The following FYB1 variants were observed in gnomAD, a reference collection of about 807,000 sequenced individuals.
FYB1 encodes the protein FYN-binding protein 1.
FYB1 carries 41 observed loss-of-function variants against 94.1 expected under a neutral mutation model. The ratio of observed to expected loss-of-function variants is 0.44; its 90% CI spans 0.34 to 0.57. The LOEUF is 0.57. Ranked by LOEUF, FYB1 falls within the 20% of genes least tolerant of loss-of-function variation. The probability of loss-of-function intolerance (pLI) is 0.02; values close to 1 mark genes in which losing one functional copy is unlikely to be tolerated. For missense variants in FYB1, 1,050 were observed against 976.8 expected (o/e 1.07, Z -1.00); for synonymous variants, 367 against 353.2 (o/e 1.04, Z -0.44).
At chr5:39,144,115 T>C (rs1580375919) in intron 3 of FYB1, among the ~76,000 whole-genome samples, 1 of 152,214 alleles carries the variant, frequency 6.6e-6, no homozygotes, top group East Asian at 1.9e-4. Flanking sequence ...TTTAAGAGAT[T>C]TGTTACATTA....
intron 2 of FYB1, among the ~76,000 whole-genome samples, chr5:39,182,132 C>G (rs937128073): frequency 4.6e-5 from 7 of 152,080 alleles, no homozygotes; most frequent in African/African-American, 1.7e-4. Context: ...AGGTTCGGTT[C>G]CTGCCTAACT....
At chr5:39,245,280 T>G (rs1288128345) in intron 1 of FYB1, among the ~76,000 whole-genome samples, 8 of 152,196 alleles carry the variant, frequency 5.3e-5, no homozygotes, top group African/African-American at 9.6e-5. Context: ...TATAAATCTC[T>G]GGACTTAGCA....
intron 2 of FYB1, among the ~76,000 whole-genome samples, chr5:39,200,576 TGAG>T: frequency 6.6e-6 from 1 of 152,190 alleles, no homozygotes; most frequent in East Asian, 1.9e-4. Flanking sequence ...AGATGACAGA[TGAG>T]GAGGAGATGC....
At chr5:39,189,252 T>TA (rs5867444) in intron 2 of FYB1, among the ~76,000 whole-genome samples, 2 of 150,488 alleles carry the variant, frequency 1.3e-5, no homozygotes, top group African/African-American at 2.5e-5. Context: ...TTTTTTTTTT[T>TA]AGGATCTCTG....
At chr5:39,169,353 C>A (rs1297637410) in intron 2 of FYB1, 1 of 756,746 alleles carries the variant, frequency 1.3e-6, no homozygotes, top group African/African-American at 1.8e-5. Context: ...CAGACGAATA[C>A]TAAACCGGTC....
chr5:39,171,938 G>A (rs547111304), intron 2 of FYB1, among the ~76,000 whole-genome samples: 29 of 152,260 alleles, frequency 1.9e-4, no homozygotes, highest in African/African-American at 6.0e-4. Context: ...ACGAGGAAGT[G>A]ACAAGCAGGG....
At chr5:39,261,381 G>A (rs1366384785) in intron 1 of FYB1, among the ~76,000 whole-genome samples, 1 of 137,090 alleles carries the variant, frequency 7.3e-6, no homozygotes, top group Non-Finnish European at 1.6e-5. Flanking sequence ...CAAAGAAATT[G>A]TTAGACAGCA....
At chr5:39,172,658 A>G (rs1745354314) in intron 2 of FYB1, among the ~76,000 whole-genome samples, 1 of 152,004 alleles carries the variant, frequency 6.6e-6, no homozygotes, top group Non-Finnish European at 1.5e-5. Context: ...ATTCATGTGT[A>G]TTCAGTGTTT....
At chr5:39,250,416 CCAT>C (rs2150608999) in intron 1 of FYB1, among the ~76,000 whole-genome samples, 1 of 152,260 alleles carries the variant, frequency 6.6e-6, no homozygotes, top group Non-Finnish European at 1.5e-5. Context: ...CTATCAAATG[CCAT>C]CAACATGTTT....
intron 12 of FYB1, 114 bp downstream of exon 12, chr5:39,125,884 A>C: frequency 9.7e-7 from 1 of 1,036,214 alleles, no homozygotes; most frequent in Non-Finnish European, 1.4e-6. Context: ...AAATTGCATT[A>C]AGATGATTTA....
At chr5:39,182,169 T>G (rs1397234153) in intron 2 of FYB1, among the ~76,000 whole-genome samples, 1 of 152,202 alleles carries the variant, frequency 6.6e-6, no homozygotes, top group Admixed American at 6.5e-5. Flanking sequence ...TTTTTATTGC[T>G]TTTCCCTGCT....
chr5:39,162,383 T>A (rs1744329149), intron 2 of FYB1, among the ~76,000 whole-genome samples: 1 of 152,170 alleles, frequency 6.6e-6, no homozygotes, highest in Admixed American at 6.6e-5. Context: ...TCAAAAGAAC[T>A]GAGCATTAAA....
Position 39,253,470 on chromosome 5 carries a change from T to TA in FYB1, c.-28+20932_-28+20933insT, listed in dbSNP as rs1561310671. ...AAATGACAACAACAAAATCTTTTTT[T>TA]TAAAAAAAATATTTTAGGTTCAGGG... On this transcript the variant is annotated intron_variant, in intron 1 of 1. Coordinates refer to the FYB1 transcript ENST00000510188. Among the ~76,000 whole-genome samples the TA allele has an allele frequency of 4.3e-4, 65 of 151,972 alleles. 1 individual carries two copies. Among genetic ancestry groups the TA allele is most frequent in the Admixed American group, 2.8e-3 (42 of 15,260 alleles).
Position 39,119,052 on chromosome 5 carries a change from C to T in FYB1, c.2239-16G>A, listed in dbSNP as rs1580309831. 8.4e-7 allele frequency: 1 copy of T among 1,190,478 alleles called. No individual in the cohort carries two copies. Among genetic ancestry groups the T allele is most frequent in the African/African-American group, 1.6e-5 (1 of 63,354 alleles). The allele number at this position is 1,190,478 out of a possible 1,614,324, so 73.7% of individuals were successfully genotyped here. A position where few individuals can be genotyped will look rare whatever the true frequency, so the allele number is the denominator to read the frequency against. On this transcript the variant is annotated splice_polypyrimidine_tract_variant and intron_variant, in intron 15 of 18. Coordinates refer to ENST00000512982, the MANE Select transcript of FYB1 (RefSeq NM_001465.6). ...CACCATCATACTAAAAAAAAAAGAACAATATTTAAATTATTGGTTTATGTG... is the reference window on the plus strand; with the variant it reads ...CACCATCATACTAAAAAAAAAAGAATAATATTTAAATTATTGGTTTATGTG...
chr5:39,159,716 A>G (rs1744078208), intron 2 of FYB1, among the ~76,000 whole-genome samples: 1 of 152,180 alleles, frequency 6.6e-6, no homozygotes, highest in African/African-American at 2.4e-5. Context: ...CTCTGGAAAG[A>G]TGGCATTCCT....
In FYB1 at chr5:39,247,660, C is replaced by T. The variant is rs1751540724; in HGVS notation, c.-28+26743G>A. Among the ~76,000 whole-genome samples, 3 of 151,930 alleles carry T rather than the reference C, an allele frequency of 2.0e-5. No homozygotes were observed. The South Asian group carries it at 6.2e-4, about 32-fold the overall frequency. ...TTTACCCCATACATATATTTATAGC[C>T]ATTTTTCTTTATATGTCAATTGTGA... On this transcript the variant is annotated intron_variant, in intron 1 of 1. Transcript: ENST00000510188.
intron 1 of FYB1, among the ~76,000 whole-genome samples, chr5:39,206,263 T>C (rs963800833): frequency 2.8e-4 from 43 of 152,232 alleles, no homozygotes; most frequent in African/African-American, 1.0e-3. Flanking sequence ...GCCTGAACTC[T>C]GCAACTATGT....
At chr5:39,208,112 T>C (rs1431257654) in intron 1 of FYB1, among the ~76,000 whole-genome samples, 1 of 152,248 alleles carries the variant, frequency 6.6e-6, no homozygotes, top group Non-Finnish European at 1.5e-5. Flanking sequence ...TTTTTAAAGT[T>C]GCCCACCTTT....
rs145892188 is a variant in FYB1, at chr5:39,175,001, A to G, written c.1136-21397T>C. 2.7e-4 allele frequency among the ~76,000 whole-genome samples: 41 copies of G among 152,276 alleles called. 1 individual carries two copies. In the East Asian group the frequency reaches 7.7e-3, roughly 29 times the overall value. Reference sequence around the variant, plus strand: ...AGTACTGTAAAATTTTTTAAAAGTTATGGTTCTATTTGTTTGCTTGCTCTT... The same window carrying G: ...AGTACTGTAAAATTTTTTAAAAGTTGTGGTTCTATTTGTTTGCTTGCTCTT... On this transcript the variant is annotated intron_variant, in intron 2 of 18. Transcript: ENST00000512982.
Sources: gnomAD v4.1 joint callset for allele counts (sites outside exome capture counted in the v4.1 genomes callset) on GRCh38, gnomAD v4.1.1 for gene constraint, MANE v1.5 for transcripts, NCBI Gene and HGNC (gene_info 2026-07-23, HGNC 2026-07-21) for gene names.